FNIP1: variants seen among roughly 807,000 people sequenced by gnomAD.
FNIP1 encodes folliculin-interacting protein 1.
In FNIP1, 40 loss-of-function variants were observed where a neutral mutation model predicts 124.5. The ratio of observed to expected loss-of-function variants is 0.32; its 90% CI spans 0.25 to 0.42. FNIP1 has a LOEUF of 0.42. Ranked by LOEUF, FNIP1 falls within the 10% of genes least tolerant of loss-of-function variation. The pLI is 1.00. For missense variants in FNIP1, 1,176 were observed against 1,403.7 expected (o/e 0.84, Z 2.59); for synonymous variants, 472 against 470.6 (o/e 1.00, Z -0.04).
chr5:131,718,849 C>T, intron 5 of FNIP1, 137 bp downstream of exon 5: 1 of 591,012 alleles, frequency 1.7e-6, no homozygotes, highest in East Asian at 3.1e-5. Flanking sequence ...AGAGTGAAAT[C>T]TGGCTTCCAT....
intron 1 of FNIP1, among the ~76,000 whole-genome samples, chr5:131,781,560 A>G (rs189460428): frequency 1.1e-4 from 17 of 152,340 alleles, no homozygotes; most frequent in African/African-American, 2.6e-4. Context: ...TACTTTGCCT[A>G]TTCTCTATAG....
chr5:131,700,970 TAAC>T (rs1183195200), intron 10 of FNIP1, among the ~76,000 whole-genome samples: 4 of 152,298 alleles, frequency 2.6e-5, no homozygotes, highest in East Asian at 3.9e-4. Flanking sequence ...CTATAAGCAT[TAAC>T]AATGTACATT....
intron 8 of FNIP1, among the ~76,000 whole-genome samples, chr5:131,707,961 CA>C (rs1335653153): frequency 1.3e-5 from 2 of 151,768 alleles, no homozygotes; most frequent in Non-Finnish European, 2.9e-5. Flanking sequence ...TACATCGAAG[CA>C]AAGTTTATTA....
chr5:131,769,866 T>C (rs2149577011), intron 1 of FNIP1, among the ~76,000 whole-genome samples: 1 of 152,174 alleles, frequency 6.6e-6, no homozygotes, highest in East Asian at 1.9e-4. Flanking sequence ...TACGAGAAAA[T>C]CAATCTAAGT....
intron 3 of FNIP1, among the ~76,000 whole-genome samples, chr5:131,720,752 G>A (rs1162407616): frequency 1.3e-5 from 2 of 152,096 alleles, no homozygotes; most frequent in African/African-American, 2.4e-5. Context: ...CAGGAGAAAC[G>A]CTCAACATTT....
chr5:131,772,780 C>T (rs1163651107), intron 1 of FNIP1, among the ~76,000 whole-genome samples: 1 of 152,154 alleles, frequency 6.6e-6, no homozygotes, highest in African/African-American at 2.4e-5. Context: ...ACCATCATGA[C>T]CCTGCCCTCT....
intron 16 of FNIP1, among the ~76,000 whole-genome samples, chr5:131,650,294 A>G (rs1767004367): frequency 6.6e-6 from 1 of 152,166 alleles, no homozygotes; most frequent in South Asian, 2.1e-4. Flanking sequence ...ATTTCTATCA[A>G]TAATGTTTTA....
chr5:131,785,122 GAT>G (rs1772149084), intron 1 of FNIP1, among the ~76,000 whole-genome samples: 1 of 20,408 alleles, frequency 4.9e-5, no homozygotes, highest in Admixed American at 5.6e-4. Flanking sequence ...TCATATATAT[GAT>G]ATATATGACT....
intron 6 of FNIP1, among the ~76,000 whole-genome samples, chr5:131,714,233 C>CTTGAACTGTA (rs1358631995): frequency 2.0e-5 from 3 of 152,184 alleles, no homozygotes; most frequent in Non-Finnish European, 4.4e-5. Context: ...CTAACCCTCC[C>CTTGAACTGTA]TTGAACTGTA....
At chr5:131,723,102 G>T (rs1286687747) in intron 3 of FNIP1, among the ~76,000 whole-genome samples, 2 of 152,090 alleles carry the variant, frequency 1.3e-5, no homozygotes. Flanking sequence ...AAGACATAGA[G>T]GCTTGGGTAC....
chr5:131,734,374 C>T (rs546013632), intron 2 of FNIP1, among the ~76,000 whole-genome samples: 8 of 152,058 alleles, frequency 5.3e-5, no homozygotes, highest in African/African-American at 1.2e-4. Flanking sequence ...CTAGCTTTTT[C>T]AATTTGTTTG....
At chr5:131,695,760 T>C (rs1768671316) in intron 11 of FNIP1, among the ~76,000 whole-genome samples, 2 of 152,200 alleles carry the variant, frequency 1.3e-5, no homozygotes, top group African/African-American at 4.8e-5. Flanking sequence ...AAGGTTCAAA[T>C]GTTTATTAAA....
At chr5:131,784,244 G>A (rs1042096061) in intron 1 of FNIP1, among the ~76,000 whole-genome samples, 14 of 152,224 alleles carry the variant, frequency 9.2e-5, no homozygotes, top group East Asian at 1.9e-4. Context: ...TTATGGAGCC[G>A]TTGAAGGATA....
At chr5:131,743,714 GTT>G (rs1333144435) in intron 2 of FNIP1, among the ~76,000 whole-genome samples, 3 of 152,222 alleles carry the variant, frequency 2.0e-5, no homozygotes, top group Non-Finnish European at 4.4e-5. Context: ...GACTTGAAGA[GTT>G]CTCTTGCCTT....
At position 131,679,094 on chromosome 5, in the gene FNIP1, C is replaced by A; in HGVS notation, c.1284G>T (p.Lys428Asn). Residue 428 changes from lysine (K) to asparagine (N), a missense_variant, in exon 12 of 18, where the codon AAG becomes AAT. By Grantham distance (94) the Lys-to-Asn change is moderately conservative. This residue lies in a region of FNIP1 where 1,109 missense variants were observed against 1,288.5 expected (regional missense o/e 0.86). Coordinates refer to ENST00000510461, the MANE Select transcript of FNIP1 (RefSeq NM_133372.3). ...TCATGAAACGATAGCAAAGGTGGTT[C>A]TTTTCTGGAGTCCCCGACATCATTG... ...WLTMMSGTPE[K>N]NHLCYRFMKE... 4 of 1,612,380 alleles carry A rather than the reference C, an allele frequency of 2.5e-6. No homozygotes were observed. Among genetic ancestry groups the A allele is most frequent in the Non-Finnish European group, 3.4e-6 (4 of 1,178,886 alleles).
chr5:131,790,036 C>CA (rs1194818260), intron 1 of FNIP1, among the ~76,000 whole-genome samples: 5 of 152,194 alleles, frequency 3.3e-5, no homozygotes, highest in African/African-American at 1.2e-4. Flanking sequence ...ACCAAATATC[C>CA]AAAACAGAAC....
intron 11 of FNIP1, among the ~76,000 whole-genome samples, chr5:131,693,319 C>CATAT (rs1339116049): frequency 9.6e-5 from 4 of 41,612 alleles, no homozygotes; most frequent in African/African-American, 2.3e-4. Flanking sequence ...TATATATACA[C>CATAT]ATATATATAT....
intron 1 of FNIP1, among the ~76,000 whole-genome samples, chr5:131,782,269 C>A (rs186279040): frequency 5.9e-5 from 9 of 152,240 alleles, no homozygotes; most frequent in African/African-American, 1.9e-4. Flanking sequence ...CTTCTGGAGG[C>A]CAGGCACTGT....
intron 1 of FNIP1, among the ~76,000 whole-genome samples, chr5:131,772,990 C>T (rs1214161020): frequency 6.6e-6 from 1 of 152,120 alleles, no homozygotes; most frequent in Non-Finnish European, 1.5e-5. Flanking sequence ...TTATCTCAAC[C>T]TCTCATCTCT....
Sources: gnomAD v4.1 joint callset for allele counts (sites outside exome capture counted in the v4.1 genomes callset) on GRCh38, gnomAD v4.1.1 for gene constraint, gnomAD v4.1.1 regional missense constraint, MANE v1.5 for transcripts, NCBI Gene and HGNC (gene_info 2026-07-23, HGNC 2026-07-21) for gene names.